The following PAK2 variants were observed in gnomAD, a reference collection of about 807,000 sequenced individuals.
PAK2 encodes the protein p21 (RAC1) activated kinase 2, also known as serine/threonine-protein kinase PAK 2.
PAK2 carries 21 observed loss-of-function variants against 65.9 expected under a neutral mutation model. That is an observed-to-expected ratio of 0.32 (90% confidence interval 0.23 to 0.46). The LOEUF (loss-of-function observed/expected upper bound fraction) is 0.46, where lower values mean the gene tolerates loss of function less well. Among genes scored for constraint, PAK2 ranks in the 20% least tolerant of loss-of-function variants. The pLI is 1.00. For synonymous variants in PAK2, 204 were observed against 219.7 expected (o/e 0.93, Z 0.63); for missense variants, 324 against 642.6 (o/e 0.50, Z 5.36).
intron 1 of PAK2, among the ~76,000 whole-genome samples, chr3:196,772,304 G>A (rs1366150060): frequency 6.6e-6 from 1 of 152,150 alleles, no homozygotes; most frequent in Non-Finnish European, 1.5e-5. Context: ...CATCAAAGTG[G>A]AAGCATGAGG....
At chr3:196,795,796 G>C (rs547699865) in intron 2 of PAK2, among the ~76,000 whole-genome samples, 2 of 152,216 alleles carry the variant, frequency 1.3e-5, no homozygotes, top group Admixed American at 6.5e-5. Context: ...CAGGCAGAAG[G>C]AAGGTGATGT....
intron 1 of PAK2, among the ~76,000 whole-genome samples, chr3:196,765,965 T>A (rs1022227609): frequency 1.3e-5 from 2 of 151,768 alleles, no homozygotes; most frequent in Admixed American, 6.6e-5. Context: ...AGTGGCATGA[T>A]CTCGGCTCAC....
chr3:196,802,139 C>T, intron 3 of PAK2, 112 bp downstream of exon 3: 1 of 692,536 alleles, frequency 1.4e-6, no homozygotes, highest in South Asian at 1.7e-5. Flanking sequence ...TGGCACACGC[C>T]TGTAATCCCA....
chr3:196,821,958 G>T (rs60873182), intron 13 of PAK2, among the ~76,000 whole-genome samples: 2 of 152,104 alleles, frequency 1.3e-5, no homozygotes, highest in Admixed American at 6.5e-5. Flanking sequence ...AGAAAGGAAG[G>T]AAGTGCCAAT....
chr3:196,788,129 A>T (rs1714956753), intron 2 of PAK2, among the ~76,000 whole-genome samples: 1 of 152,234 alleles, frequency 6.6e-6, no homozygotes, highest in African/African-American at 2.4e-5. Flanking sequence ...ATTCTGGAGC[A>T]TTCCTCGTGG....
chr3:196,753,390 A>G (rs843527), intron 1 of PAK2, among the ~76,000 whole-genome samples: 92,134 of 151,742 alleles, frequency 0.61, 28,487 homozygotes, highest in African/African-American at 0.67. Context: ...GACTACAGGC[A>G]CATGCCACCA....
intron 2 of PAK2, among the ~76,000 whole-genome samples, chr3:196,793,339 C>T (rs2108749733): frequency 6.6e-6 from 1 of 152,280 alleles, no homozygotes; most frequent in Admixed American, 6.5e-5. Context: ...CCCCATCCTG[C>T]TTTCAGAATA....
Position 196,832,491 on chromosome 3 carries a change from G to T in PAK2, c.*4086G>T, listed in dbSNP as rs536301982. 6.6e-6 allele frequency: 1 copy of T among 152,150 alleles called. No individual in the cohort carries two copies. The highest frequency in any genetic ancestry group is 1.9e-4 in the East Asian group (1 of 5,186). 9.4% of individuals were successfully genotyped at this position (152,150 alleles called of 1,614,324 possible). ...TAGAAATAAACTTTTTAAAAAAAGTGTGCATTTTTCCCTTTCCTAAACTTT... is the reference window on the plus strand; with the variant it reads ...TAGAAATAAACTTTTTAAAAAAAGTTTGCATTTTTCCCTTTCCTAAACTTT... On this transcript the variant is annotated 3_prime_UTR_variant, in exon 15 of 15. Coordinates refer to ENST00000327134, the MANE Select transcript of PAK2 (RefSeq NM_002577.4).
chr3:196,768,352 T>C (rs1714249117), intron 1 of PAK2, among the ~76,000 whole-genome samples: 1 of 152,086 alleles, frequency 6.6e-6, no homozygotes, highest in Non-Finnish European at 1.5e-5. Flanking sequence ...CCTTTTTGTA[T>C]ATTAGTTTTC....
rs73892968 is a variant in PAK2, at chr3:196,755,158, A to G, written c.-22+15001A>G. ...TTCTGATTTGATAGCATTATTTACTAGAGTAAACCTGTTCCAATTTTTTGA... is the reference window on the plus strand; with the variant it reads ...TTCTGATTTGATAGCATTATTTACTGGAGTAAACCTGTTCCAATTTTTTGA... On this transcript the variant is annotated intron_variant, in intron 1 of 14. Coordinates refer to ENST00000327134, the MANE Select transcript of PAK2 (RefSeq NM_002577.4). 8.6e-3 allele frequency among the ~76,000 whole-genome samples: 1,316 copies of G among 152,330 alleles called. 14 individuals are homozygous for G. Among genetic ancestry groups the G allele is most frequent in the African/African-American group, 0.029 (1,206 of 41,576 alleles).
At chr3:196,763,481 C>T (rs1670883274) in intron 1 of PAK2, among the ~76,000 whole-genome samples, 2 of 152,052 alleles carry the variant, frequency 1.3e-5, no homozygotes, top group Non-Finnish European at 2.9e-5. Context: ...TGCTTGAAGG[C>T]CTCAGATCCG....
At chr3:196,760,769 A>C (rs554124679) in intron 1 of PAK2, among the ~76,000 whole-genome samples, 1 of 152,312 alleles carries the variant, frequency 6.6e-6, no homozygotes, top group Non-Finnish European at 1.5e-5. Context: ...ACTTGTTTAT[A>C]ACGGCCTTAA....
intron 7 of PAK2, among the ~76,000 whole-genome samples, chr3:196,809,309 C>T (rs2108762186): frequency 7.0e-6 from 1 of 142,312 alleles, no homozygotes; most frequent in South Asian, 2.2e-4. Context: ...TCAGTGCTTT[C>T]AAGTATAAAC....
At chr3:196,822,942 G>A (rs1461102737) in intron 13 of PAK2, among the ~76,000 whole-genome samples, 1 of 152,146 alleles carries the variant, frequency 6.6e-6, no homozygotes, top group Non-Finnish European at 1.5e-5. Context: ...AGGTGCGGTC[G>A]ATCGGCGAAG....
At chr3:196,794,088 G>A (rs573210136) in intron 2 of PAK2, among the ~76,000 whole-genome samples, 33 of 152,116 alleles carry the variant, frequency 2.2e-4, no homozygotes, top group Non-Finnish European at 2.6e-4. Context: ...CCAAGATTGC[G>A]CCATTGCACT....
chr3:196,803,515 A>C (rs753359214), intron 4 of PAK2, among the ~76,000 whole-genome samples: 31 of 152,228 alleles, frequency 2.0e-4, no homozygotes, highest in Non-Finnish European at 3.8e-4. Context: ...GTTGATAGAC[A>C]TGTTCATACT....
At chr3:196,824,344 A>G (rs1711758680) in intron 13 of PAK2, among the ~76,000 whole-genome samples, 1 of 152,236 alleles carries the variant, frequency 6.6e-6, no homozygotes, top group South Asian at 2.1e-4. Flanking sequence ...TCACCCAGAC[A>G]TCAGTCAAAG....
Position 196,745,393 on chromosome 3 carries a change from G to C in PAK2, c.-22+5236G>C, listed in dbSNP as rs187814491. Among the ~76,000 whole-genome samples, 39 of 151,006 alleles carry C rather than the reference G, an allele frequency of 2.6e-4. No homozygotes were observed. In the East Asian group the frequency reaches 7.4e-3, roughly 29 times the overall value. The stretch of plus-strand genomic sequence containing the variant: ...CCTGCCTTGGCTTCCCGAAGTGTTG[G>C]GATTACAGGCGTGAGCCACCGTGCC... On this transcript the variant is annotated intron_variant, in intron 1 of 14. Transcript: ENST00000327134.
intron 8 of PAK2, among the ~76,000 whole-genome samples, chr3:196,811,965 A>G (rs988714096): frequency 8.5e-5 from 13 of 152,064 alleles, no homozygotes; most frequent in Non-Finnish European, 1.5e-4. Flanking sequence ...TATATGTTAT[A>G]TAATTTTTTT....
Sources: gnomAD v4.1 joint callset for allele counts (sites outside exome capture counted in the v4.1 genomes callset) on GRCh38, gnomAD v4.1.1 for gene constraint, MANE v1.5 for transcripts, NCBI Gene and HGNC (gene_info 2026-07-23, HGNC 2026-07-21) for gene names.